Variants in LRMDA observed in about 807,000 individuals in gnomAD.
LRMDA encodes the protein leucine-rich melanocyte differentiation-associated protein.
In LRMDA, 18 loss-of-function variants were observed where a neutral mutation model predicts 29.8. The ratio of observed to expected loss-of-function variants is 0.60; its 90% CI spans 0.42 to 0.90. The LOEUF (loss-of-function observed/expected upper bound fraction) is 0.90, where lower values mean the gene tolerates loss of function less well. Ranked by LOEUF, LRMDA falls within the 40% of genes least tolerant of loss-of-function variation. The pLI is 0.00. For missense variants in LRMDA, 273 were observed against 273.9 expected (o/e 1.00, Z 0.02); for synonymous variants, 125 against 109.4 (o/e 1.14, Z -0.89).
chr10:76,120,649 A>C (rs1849769373), intron 5 of LRMDA, among the ~76,000 whole-genome samples: 1 of 152,174 alleles, frequency 6.6e-6, no homozygotes, highest in Non-Finnish European at 1.5e-5. Context: ...ATGCTGTTTG[A>C]TGATAGAAAG....
At chr10:75,888,776 A>G (rs1038297319) in intron 2 of LRMDA, among the ~76,000 whole-genome samples, 1 of 152,190 alleles carries the variant, frequency 6.6e-6, no homozygotes, top group Non-Finnish European at 1.5e-5. Flanking sequence ...ACGTACATGT[A>G]TTTGTAATAT....
rs117318517 is a variant in LRMDA at position 76,469,790 on chromosome 10, A to G, written c.602-87419A>G. Among the ~76,000 whole-genome samples the G allele has an allele frequency of 2.2e-4, 34 of 152,288 alleles. No homozygotes were observed. In the East Asian group the frequency reaches 5.8e-3, roughly 26 times the overall value. Reference sequence around the variant, plus strand: ...GATAGCTAAGAACTCTCCTGGGTTCACAAAAAACCTAAAGGACTAGCCTCA... The same window carrying G: ...GATAGCTAAGAACTCTCCTGGGTTCGCAAAAAACCTAAAGGACTAGCCTCA... On this transcript the variant is annotated intron_variant, in intron 6 of 6. Coordinates refer to ENST00000611255, the MANE Select transcript of LRMDA (RefSeq NM_001305581.2).
At chr10:75,874,175 G>T (rs566291705) in intron 2 of LRMDA, among the ~76,000 whole-genome samples, 1 of 152,186 alleles carries the variant, frequency 6.6e-6, no homozygotes, top group Non-Finnish European at 1.5e-5. Flanking sequence ...ATCAATAAAT[G>T]TAAGTTAATT....
rs553425041 is a variant in LRMDA at position 76,443,122 on chromosome 10, A to G, written c.602-114087A>G. The stretch of plus-strand genomic sequence containing the variant: ...CCTAGCACAGTGTTTCTTCACCTGT[A>G]CCTCCTAGAATCATGAAAGCCATAA... On this transcript the variant is annotated intron_variant, in intron 6 of 6. Transcript: ENST00000611255. Among the ~76,000 whole-genome samples the G allele has an allele frequency of 3.9e-5, 6 of 152,294 alleles. No individual in the cohort carries two copies. In the South Asian group the frequency reaches 1.0e-3, roughly 26 times the overall value.
chr10:75,443,445 T>C (rs1844353477), intron 2 of LRMDA, among the ~76,000 whole-genome samples: 1 of 152,192 alleles, frequency 6.6e-6, no homozygotes, highest in South Asian at 2.1e-4. Context: ...TTTCTGTTAA[T>C]ATGGTATCCT....
At position 76,411,685 on chromosome 10, in the gene LRMDA, A is replaced by G. The variant is rs372391335; in HGVS notation, c.601+87200A>G. Among the ~76,000 whole-genome samples the G allele has an allele frequency of 4.5e-4, 68 of 152,288 alleles. 1 individual carries two copies. The highest frequency in any genetic ancestry group is 1.6e-3 in the African/African-American group (66 of 41,548). On this transcript the variant is annotated intron_variant, in intron 6 of 6. Transcript: ENST00000611255. ...GCTGACGGCTGTTCTGCAGGAGTGGAAAATGGAGGTAGAGAGAAGTGAATG... is the reference window on the plus strand; with the variant it reads ...GCTGACGGCTGTTCTGCAGGAGTGGGAAATGGAGGTAGAGAGAAGTGAATG...
intron 5 of LRMDA, among the ~76,000 whole-genome samples, chr10:76,211,547 A>G (rs920113099): frequency 6.6e-6 from 1 of 152,226 alleles, no homozygotes; most frequent in Non-Finnish European, 1.5e-5. Flanking sequence ...TGAAACTACA[A>G]CAATGAATGA....
intron 2 of LRMDA, among the ~76,000 whole-genome samples, chr10:75,548,161 G>C (rs983974563): frequency 1.3e-5 from 2 of 151,730 alleles, no homozygotes; most frequent in African/African-American, 4.8e-5. Context: ...CCTATTGGGA[G>C]CCCTTAACGG....
chr10:75,447,235 C>T (rs557185675), intron 2 of LRMDA, among the ~76,000 whole-genome samples: 12 of 152,270 alleles, frequency 7.9e-5, no homozygotes, highest in Non-Finnish European at 1.2e-4. Context: ...ATATCACTGG[C>T]CATCCTGGTG....
chr10:76,433,266 T>C (rs971867551), intron 6 of LRMDA, among the ~76,000 whole-genome samples: 4 of 152,174 alleles, frequency 2.6e-5, no homozygotes, highest in African/African-American at 7.2e-5. Context: ...ATTTCCATCC[T>C]GTCTCCTTGT....
At chr10:76,424,451 A>G in intron 6 of LRMDA, among the ~76,000 whole-genome samples, 1 of 152,300 alleles carries the variant, frequency 6.6e-6, no homozygotes, top group East Asian at 1.9e-4. Context: ...AGGCAGGAGA[A>G]TTGCGTGAAC....
chr10:76,522,278 T>C (rs1281519377), intron 6 of LRMDA, among the ~76,000 whole-genome samples: 1 of 152,164 alleles, frequency 6.6e-6, no homozygotes, highest in African/African-American at 2.4e-5. Flanking sequence ...AACATAGCCC[T>C]AGTCCTCTAA....
At chr10:76,226,453 C>G (rs558897849) in intron 5 of LRMDA, among the ~76,000 whole-genome samples, 1 of 151,918 alleles carries the variant, frequency 6.6e-6, no homozygotes, top group Non-Finnish European at 1.5e-5. Flanking sequence ...CATGGTGGCA[C>G]GTGCCTGCAA....
At chr10:76,546,829 A>G (rs1213950674) in intron 6 of LRMDA, among the ~76,000 whole-genome samples, 1 of 152,208 alleles carries the variant, frequency 6.6e-6, no homozygotes, top group African/African-American at 2.4e-5. Context: ...GAAGCCCACA[A>G]ATACCTCTTT....
At chr10:76,069,267 T>C (rs1848836295) in intron 5 of LRMDA, among the ~76,000 whole-genome samples, 1 of 152,222 alleles carries the variant, frequency 6.6e-6, no homozygotes, top group East Asian at 1.9e-4. Flanking sequence ...AGGCTTGTCC[T>C]TGGGGTCACT....
chr10:76,332,122 GTGGAT>G (rs1484087389), intron 6 of LRMDA, among the ~76,000 whole-genome samples: 3 of 152,184 alleles, frequency 2.0e-5, no homozygotes, highest in African/African-American at 2.4e-5. Context: ...GCCGGGCTGG[GTGGAT>G]TGGAATGGAG....
intron 6 of LRMDA, among the ~76,000 whole-genome samples, chr10:76,345,379 C>T (rs1192935856): frequency 6.7e-6 from 1 of 149,890 alleles, no homozygotes; most frequent in Non-Finnish European, 1.5e-5. Context: ...GCCCACAAAA[C>T]CTTTTAAGCA....
At chr10:75,561,259 G>A (rs866054859) in intron 2 of LRMDA, among the ~76,000 whole-genome samples, 8 of 150,978 alleles carry the variant, frequency 5.3e-5, no homozygotes, top group South Asian at 2.1e-4. Context: ...TGGTTTAGTC[G>A]TGGGAGGGTG....
intron 6 of LRMDA, among the ~76,000 whole-genome samples, chr10:76,333,782 G>C (rs186935314): frequency 1.2e-3 from 178 of 152,252 alleles, no homozygotes; most frequent in African/African-American, 4.2e-3. Context: ...CTGGCTGACT[G>C]GGAGTACAAA....
Sources: allele counts gnomAD v4.1 joint callset (sites outside exome capture counted in the v4.1 genomes callset), GRCh38; gene constraint gnomAD v4.1.1; transcripts MANE v1.5; gene names NCBI Gene and HGNC (gene_info 2026-07-23, HGNC 2026-07-21).